MYO1H: variants seen among roughly 807,000 people sequenced by gnomAD.
MYO1H encodes myosin IH.
A neutral mutation model predicts 149.3 loss-of-function variants in MYO1H; 118 were observed. The ratio of observed to expected loss-of-function variants is 0.79; its 90% confidence interval spans 0.68 to 0.92. The LOEUF (loss-of-function observed/expected upper bound fraction) is 0.92. Ranked by LOEUF, MYO1H falls within the 40% of genes least tolerant of loss-of-function variation. MYO1H has a pLI of 0.00. For synonymous variants in MYO1H, 447 were observed against 465.2 expected (o/e 0.96, Z 0.50); for missense variants, 1,212 against 1,280.7 (o/e 0.95, Z 0.82).
intron 14 of MYO1H, among the ~76,000 whole-genome samples, chr12:109,412,699 C>G (rs1870725695): frequency 1.3e-5 from 2 of 152,100 alleles, no homozygotes; most frequent in Non-Finnish European, 2.9e-5. Flanking sequence ...TTAACTTAGT[C>G]TTTGAGGTAA....
chr12:109,355,685 T>TTTG (rs1868576106), intron 1 of MYO1H, among the ~76,000 whole-genome samples: 2 of 151,938 alleles, frequency 1.3e-5, no homozygotes, highest in African/African-American at 4.8e-5. Flanking sequence ...GTTTTTGTTT[T>TTTG]GTTTTGTTTG....
intron 9 of MYO1H, among the ~76,000 whole-genome samples, chr12:109,407,586 A>G (rs1039983384): frequency 1.4e-5 from 2 of 140,608 alleles, no homozygotes; most frequent in Non-Finnish European, 3.0e-5. Context: ...CAACATGGCT[A>G]GACCACATTT....
chr12:109,440,705 T>C (rs1872079160), intron 24 of MYO1H, 39 bp from the exon 25 acceptor site: 1 of 1,457,238 alleles, frequency 6.9e-7, no homozygotes, highest in Non-Finnish European at 9.4e-7. Context: ...AGACAGGGAG[T>C]GAGTGAGGCA....
chr12:109,333,136 A>G, the MYO1H span, among the ~76,000 whole-genome samples: 1 of 152,294 alleles, frequency 6.6e-6, no homozygotes, highest in African/African-American at 2.4e-5. Context: ...CCTGGCCAAC[A>G]TGGTGAAACC....
intron 1 of MYO1H, among the ~76,000 whole-genome samples, chr12:109,377,460 G>A (rs1326322338): frequency 6.6e-6 from 1 of 152,094 alleles, no homozygotes; most frequent in Admixed American, 6.5e-5. Context: ...TCACCCTGAG[G>A]GAGGGCATTA....
chr12:109,379,729 C>CTTTTTTT (rs35773327), intron 1 of MYO1H, among the ~76,000 whole-genome samples: 3 of 103,480 alleles, frequency 2.9e-5, no homozygotes, highest in Non-Finnish European at 3.9e-5. Flanking sequence ...CAATTTTAAC[C>CTTTTTTT]TTTTTTTTTT....
At chr12:109,381,710 A>G (rs1383888839) in intron 1 of MYO1H, among the ~76,000 whole-genome samples, 1 of 152,084 alleles carries the variant, frequency 6.6e-6, no homozygotes, top group African/African-American at 2.4e-5. Flanking sequence ...GTTCATGCCT[A>G]TGATCCCAGC....
intron 5 of MYO1H, 57 bp from the exon 6 acceptor site, chr12:109,401,036 C>T: frequency 6.7e-7 from 1 of 1,496,256 alleles, no homozygotes; most frequent in Non-Finnish European, 9.2e-7. Context: ...TCAGGAGATG[C>T]CAGGAAGAGA....
At chr12:109,341,469 A>G in the MYO1H span, among the ~76,000 whole-genome samples, 17 of 152,220 alleles carry the variant, frequency 1.1e-4, 1 homozygote. Context: ...AAATGAAAAT[A>G]AGCAAATATT....
At chr12:109,392,673 G>A (rs1355116173) in intron 2 of MYO1H, among the ~76,000 whole-genome samples, 1 of 151,860 alleles carries the variant, frequency 6.6e-6, no homozygotes, top group East Asian at 2.0e-4. Context: ...CCGAGATCGA[G>A]CCACTGCACT....
intron 5 of MYO1H, among the ~76,000 whole-genome samples, chr12:109,400,645 G>A (rs1191469210): frequency 6.6e-6 from 1 of 152,136 alleles, no homozygotes; most frequent in Non-Finnish European, 1.5e-5. Flanking sequence ...AGAAGACAAT[G>A]GATCAGAATA....
chr12:109,318,966 GGTTTTGTTTTTTT>G, the MYO1H span, among the ~76,000 whole-genome samples: 1 of 61,238 alleles, frequency 1.6e-5, no homozygotes, highest in Admixed American at 2.1e-4. Flanking sequence ...CTGCGTTTTT[GGTTTTGTTTTTTT>G]TTTTTTTTTT....
chr12:109,332,538 C>T, the MYO1H span, among the ~76,000 whole-genome samples: 1 of 152,200 alleles, frequency 6.6e-6, no homozygotes. Context: ...CAAGGTCATC[C>T]ATCTGCAACT....
At chr12:109,409,147 T>C (rs1165192537) in intron 10 of MYO1H, among the ~76,000 whole-genome samples, 1 of 151,960 alleles carries the variant, frequency 6.6e-6, no homozygotes, top group Admixed American at 6.6e-5. Context: ...CTTGGTCCTC[T>C]TACTTGGATA....
intron 14 of MYO1H, among the ~76,000 whole-genome samples, chr12:109,415,254 A>G (rs1429055992): frequency 6.6e-6 from 1 of 152,148 alleles, no homozygotes; most frequent in Non-Finnish European, 1.5e-5. Flanking sequence ...AGGCAGGCAG[A>G]TCACGAGGTC....
intron 2 of MYO1H, among the ~76,000 whole-genome samples, chr12:109,391,180 CA>C (rs1352007852): frequency 6.6e-6 from 1 of 152,146 alleles, no homozygotes. Flanking sequence ...ATCCCATCAC[CA>C]AGGTATTAAG....
Position 109,400,864 on chromosome 12 carries a change from A to C in MYO1H, c.571-229A>C, listed in dbSNP as rs116768063. 2.1e-3 allele frequency among the ~76,000 whole-genome samples: 317 copies of C among 152,334 alleles called. 2 individuals are homozygous for C. In the Middle Eastern group the frequency reaches 0.027, roughly 13 times the overall value. ...CATTATCCTAAACAATCATGCTTCT[A>C]GAAAAAGACATAGAAACTATCTTCA... is the stretch of plus-strand genomic sequence containing the variant. On this transcript the variant is annotated intron_variant, in intron 5 of 31. Transcript: ENST00000310903.
At chr12:109,384,776 C>T (rs1197355145) in intron 1 of MYO1H, among the ~76,000 whole-genome samples, 1 of 152,082 alleles carries the variant, frequency 6.6e-6, no homozygotes, top group East Asian at 1.9e-4. Context: ...TGCAGGAGTA[C>T]CCCACCCTCC....
At chr12:109,399,177 G>A (rs1267756216) in intron 5 of MYO1H, among the ~76,000 whole-genome samples, 1 of 152,140 alleles carries the variant, frequency 6.6e-6, no homozygotes, top group Non-Finnish European at 1.5e-5. Context: ...ATGCATATTT[G>A]AAAATTTTTT....
Sources: allele counts gnomAD v4.1 joint callset (sites outside exome capture counted in the v4.1 genomes callset), GRCh38; gene constraint gnomAD v4.1.1; transcripts MANE v1.5; gene names NCBI Gene and HGNC (gene_info 2026-07-23, HGNC 2026-07-21).